Variants in OPCML observed in about 807,000 individuals in gnomAD.
OPCML encodes the protein opioid binding protein/cell adhesion molecule like.
Under a neutral mutation model 37.8 loss-of-function variants are expected in OPCML, and 13 were observed. The observed-to-expected ratio is 0.34, with a 90% CI of 0.22 to 0.55. OPCML has a LOEUF of 0.55. OPCML is among the 20% of genes least tolerant of loss of function. OPCML has a pLI of 0.91. For synonymous variants in OPCML, 176 were observed against 168.8 expected, an observed-to-expected ratio of 1.04 and a Z score of -0.33; for missense variants, 341 against 435.6, an observed-to-expected ratio of 0.78 and a Z score of 1.93.
intron 3 of OPCML, among the ~76,000 whole-genome samples, chr11:132,596,260 AC>A (rs1168509486): frequency 6.6e-6 from 1 of 152,214 alleles, no homozygotes; most frequent in Non-Finnish European, 1.5e-5. Context: ...TGGACAAAGT[AC>A]CAATTGCAAA....
intron 1 of OPCML, among the ~76,000 whole-genome samples, chr11:133,340,883 G>A (rs1387956874): frequency 6.6e-6 from 1 of 152,130 alleles, no homozygotes; most frequent in African/African-American, 2.4e-5. Context: ...ATCAAGAATA[G>A]TCTTCTCTGC....
chr11:133,354,788 A>G (rs907396209), intron 1 of OPCML, among the ~76,000 whole-genome samples: 15 of 152,222 alleles, frequency 9.9e-5, no homozygotes, highest in Admixed American at 9.2e-4. Context: ...ATGCATATTT[A>G]CAGAAGGAAA....
intron 1 of OPCML, among the ~76,000 whole-genome samples, chr11:133,172,750 CA>C (rs1316967191): frequency 2.0e-5 from 3 of 151,656 alleles, no homozygotes; most frequent in African/African-American, 7.3e-5. Flanking sequence ...TAATGATGTC[CA>C]AAAAACAATA....
intron 3 of OPCML, among the ~76,000 whole-genome samples, chr11:132,653,547 C>G (rs1941544155): frequency 6.6e-6 from 1 of 152,220 alleles, no homozygotes; most frequent in South Asian, 2.1e-4. Flanking sequence ...CACACGGTGC[C>G]TGTGCTGATC....
intron 3 of OPCML, among the ~76,000 whole-genome samples, chr11:132,545,322 C>A (rs12574450): frequency 0.24 from 35,838 of 152,012 alleles, 5,483 homozygotes; most frequent in East Asian, 0.44. Flanking sequence ...ACTTTCATAG[C>A]CTGGTATCAG....
intron 2 of OPCML, among the ~76,000 whole-genome samples, chr11:132,690,844 T>C (rs1335804561): frequency 6.6e-6 from 1 of 152,184 alleles, no homozygotes; most frequent in Non-Finnish European, 1.5e-5. Flanking sequence ...CTATTCTGTA[T>C]GTGTTAGGTG....
At chr11:133,496,302 G>C (rs749883465) in intron 1 of OPCML, among the ~76,000 whole-genome samples, 6 of 152,096 alleles carry the variant, frequency 3.9e-5, no homozygotes, top group Non-Finnish European at 8.8e-5. Flanking sequence ...GCTGACTATG[G>C]CCTAATAGTA....
intron 1 of OPCML, among the ~76,000 whole-genome samples, chr11:133,094,187 T>C (rs1948961878): frequency 6.6e-6 from 1 of 152,188 alleles, no homozygotes; most frequent in African/African-American, 2.4e-5. Flanking sequence ...TACTTTGCCT[T>C]TGAGGTTTGC....
At chr11:133,139,810 C>T (rs887537163) in intron 1 of OPCML, among the ~76,000 whole-genome samples, 1 of 152,150 alleles carries the variant, frequency 6.6e-6, no homozygotes, top group African/African-American at 2.4e-5. Flanking sequence ...ATATTTTCCC[C>T]TCACAAATGG....
intron 1 of OPCML, among the ~76,000 whole-genome samples, chr11:132,998,356 C>T (rs895056723): frequency 2.6e-5 from 4 of 152,142 alleles, no homozygotes; most frequent in African/African-American, 9.7e-5. Context: ...CCTGTCTTCT[C>T]ACTTGGGGGG....
chr11:132,651,589 G>A (rs947571595), intron 3 of OPCML, among the ~76,000 whole-genome samples: 3 of 152,178 alleles, frequency 2.0e-5, no homozygotes, highest in African/African-American at 4.8e-5. Context: ...ATTCTGTAGA[G>A]TGGATAGATG....
At chr11:132,628,246 C>T (rs959643915) in intron 3 of OPCML, among the ~76,000 whole-genome samples, 11 of 151,422 alleles carry the variant, frequency 7.3e-5, no homozygotes, top group South Asian at 2.1e-4. Context: ...ACACGGCTCA[C>T]GTTACCAAGG....
chr11:132,979,644 AT>A (rs1404536782), intron 1 of OPCML, among the ~76,000 whole-genome samples: 1 of 152,208 alleles, frequency 6.6e-6, no homozygotes, highest in African/African-American at 2.4e-5. Flanking sequence ...GTGTTTACAA[AT>A]TAATGCATTT....
At chr11:132,933,660 C>A (rs889510149) in intron 2 of OPCML, among the ~76,000 whole-genome samples, 1 of 152,098 alleles carries the variant, frequency 6.6e-6, no homozygotes, top group Non-Finnish European at 1.5e-5. Context: ...TTCATCTTTT[C>A]AGAAAACTTA....
intron 1 of OPCML, among the ~76,000 whole-genome samples, chr11:133,099,434 CTTTT>C (rs940124657): frequency 1.3e-4 from 16 of 119,058 alleles, no homozygotes; most frequent in Non-Finnish European, 2.6e-4. Context: ...GGCTAATTTT[CTTTT>C]TTTCTTTTTT....
intron 3 of OPCML, among the ~76,000 whole-genome samples, chr11:132,578,649 C>T (rs1236466080): frequency 6.6e-6 from 1 of 152,042 alleles, no homozygotes; most frequent in Non-Finnish European, 1.5e-5. Context: ...AAAATTGTAC[C>T]AGTAGCTCTG....
intron 3 of OPCML, among the ~76,000 whole-genome samples, chr11:132,638,186 T>TATATATATATATATATATAGAGAG (rs71067383): frequency 1.5e-5 from 2 of 131,020 alleles, no homozygotes; most frequent in African/African-American, 5.5e-5. Context: ...TATATATATA[T>TATATATATATATATATATAGAGAG]ACAGAGAGAG....
chr11:133,440,715 A>G (rs1486798281), intron 1 of OPCML, among the ~76,000 whole-genome samples: 1 of 143,662 alleles, frequency 7.0e-6, no homozygotes, highest in African/African-American at 2.7e-5. Context: ...AACAAGAACG[A>G]AACTCCCTCT....
chr11:132,437,142 T>G lies in OPCML; in HGVS notation c.643+80A>C. ...GCAGGAACCTGGGTCCTTTGGAAAA[T>G]GGCACTGCCATTACCAGATTGTCCA... On this transcript the variant is annotated intron_variant, in intron 5 of 7. Transcript: ENST00000524381. The G allele has an allele frequency of 1.9e-6, 3 of 1,548,520 alleles. 1 individual carries two copies. The highest frequency in any genetic ancestry group is 4.3e-4 in the Middle Eastern group (2 of 4,632).
Sources: gnomAD v4.1 joint callset for allele counts (sites outside exome capture counted in the v4.1 genomes callset) on GRCh38, gnomAD v4.1.1 for gene constraint, MANE v1.5 for transcripts, NCBI Gene and HGNC (gene_info 2026-07-23, HGNC 2026-07-21) for gene names.